The following PDE4D variants were observed in gnomAD, a reference collection of about 807,000 sequenced individuals.
PDE4D encodes the protein phosphodiesterase 4D, also known as 3',5'-cyclic-AMP phosphodiesterase 4D.
A neutral mutation model predicts 87.4 loss-of-function variants in PDE4D; 24 were observed. The observed-to-expected ratio is 0.27, with a 90% CI of 0.20 to 0.39. PDE4D has a LOEUF of 0.39. Ranked by LOEUF, PDE4D falls within the 10% of genes least tolerant of loss-of-function variation. PDE4D has a pLI of 1.00. For synonymous variants in PDE4D, 384 were observed against 383.2 expected (o/e 1.00, Z -0.02); for missense variants, 714 against 1,041.0 (o/e 0.69, Z 4.32).
At chr5:60,051,600 C>T (rs771743792) in intron 2 of PDE4D, among the ~76,000 whole-genome samples, 5 of 151,940 alleles carry the variant, frequency 3.3e-5, no homozygotes, top group Non-Finnish European at 7.4e-5. Flanking sequence ...GATCTAAAAT[C>T]GACACCCTAA....
chr5:60,495,600 C>T (rs1443890891), intron 1 of PDE4D, among the ~76,000 whole-genome samples: 1 of 152,206 alleles, frequency 6.6e-6, no homozygotes, highest in East Asian at 1.9e-4. Flanking sequence ...TATTACCAAT[C>T]AGAATCAATC....
At chr5:59,585,888 A>G (rs1373144502) in intron 1 of PDE4D, among the ~76,000 whole-genome samples, 1 of 152,228 alleles carries the variant, frequency 6.6e-6, no homozygotes, top group African/African-American at 2.4e-5. Context: ...TTATTTTAAA[A>G]TTGAGTCAAC....
chr5:60,367,446 C>T (rs1436675247), intron 1 of PDE4D, among the ~76,000 whole-genome samples: 1 of 132,234 alleles, frequency 7.6e-6, no homozygotes. Context: ...AGCGAAACTC[C>T]ATATCAAAAA....
intron 6 of PDE4D, among the ~76,000 whole-genome samples, chr5:59,019,799 T>C (rs1215265966): frequency 6.6e-6 from 1 of 152,210 alleles, no homozygotes; most frequent in East Asian, 1.9e-4. Context: ...TATTACCCTA[T>C]CATTCATTAA....
chr5:60,363,625 A>G (rs1760272909), intron 1 of PDE4D, among the ~76,000 whole-genome samples: 1 of 152,230 alleles, frequency 6.6e-6, no homozygotes, highest in Non-Finnish European at 1.5e-5. Context: ...AGGGCTATGA[A>G]GAAAATAAAA....
chr5:59,337,352 G>A (rs1370063032), intron 1 of PDE4D, among the ~76,000 whole-genome samples: 26 of 42,764 alleles, frequency 6.1e-4, no homozygotes, highest in African/African-American at 2.0e-3. Flanking sequence ...TTTTTTTTTT[G>A]ACACGGAGTC....
chr5:60,019,800 C>T (rs918914391), intron 2 of PDE4D, among the ~76,000 whole-genome samples: 3 of 152,132 alleles, frequency 2.0e-5, no homozygotes, highest in Non-Finnish European at 2.9e-5. Flanking sequence ...AGGCTATTCG[C>T]TTTCTTACCA....
In PDE4D at chr5:59,365,134, T is replaced by C. The variant is rs983004248; in HGVS notation, c.456-149166A>G. Among the ~76,000 whole-genome samples, 5 of 152,196 alleles carry C rather than the reference T, an allele frequency of 3.3e-5. No homozygotes were observed. In the East Asian group the frequency reaches 9.7e-4, roughly 29 times the overall value. On this transcript the variant is annotated intron_variant, in intron 1 of 14. Transcript: ENST00000340635. ...ATATTTATAGAAATAAAAAATAACA[T>C]GAGCTCTTATTTAAGAAAAAATGTA... is the stretch of plus-strand genomic sequence containing the variant.
chr5:59,584,688 T>C (rs1824801319), intron 1 of PDE4D, among the ~76,000 whole-genome samples: 1 of 152,188 alleles, frequency 6.6e-6, no homozygotes, highest in Admixed American at 6.5e-5. Flanking sequence ...AAAGAGTACA[T>C]GGATCCTATG....
chr5:60,239,696 A>G (rs1746860481), intron 1 of PDE4D, among the ~76,000 whole-genome samples: 1 of 152,016 alleles, frequency 6.6e-6, no homozygotes, highest in South Asian at 2.1e-4. Context: ...TGCTGTATTC[A>G]TGGTATCTGC....
intron 2 of PDE4D, among the ~76,000 whole-genome samples, chr5:59,991,348 T>C (rs1252298312): frequency 1.3e-5 from 2 of 152,132 alleles, no homozygotes; most frequent in African/African-American, 4.8e-5. Flanking sequence ...AGATCTGGAA[T>C]AGGACCTGGG....
At chr5:59,036,675 C>T (rs950825758) in intron 6 of PDE4D, among the ~76,000 whole-genome samples, 1 of 152,076 alleles carries the variant, frequency 6.6e-6, no homozygotes, top group Admixed American at 6.5e-5. Flanking sequence ...CTATAACAGT[C>T]ATGTAAGCTT....
chr5:59,081,514 C>T (rs1402071425), intron 5 of PDE4D, among the ~76,000 whole-genome samples: 1 of 27,008 alleles, frequency 3.7e-5, no homozygotes, highest in Non-Finnish European at 8.5e-5. Flanking sequence ...AGGAAGTAAT[C>T]AGGTAAAAAA....
At chr5:60,034,522 C>T (rs1767578016) in intron 2 of PDE4D, among the ~76,000 whole-genome samples, 1 of 152,166 alleles carries the variant, frequency 6.6e-6, no homozygotes, top group African/African-American at 2.4e-5. Context: ...TAAAAGGCCC[C>T]TTTATAATTA....
chr5:59,002,701 T>C (rs1259156165), intron 6 of PDE4D, among the ~76,000 whole-genome samples: 1 of 152,110 alleles, frequency 6.6e-6, no homozygotes, highest in Admixed American at 6.6e-5. Flanking sequence ...AGCTTTCAGA[T>C]AGCTACCCAC....
chr5:60,367,630 T>G (rs1016418588), intron 1 of PDE4D, among the ~76,000 whole-genome samples: 1 of 152,166 alleles, frequency 6.6e-6, no homozygotes, highest in African/African-American at 2.4e-5. Flanking sequence ...CACAGTTCAA[T>G]TTCATGTTTC....
intron 2 of PDE4D, among the ~76,000 whole-genome samples, chr5:60,147,164 T>C (rs944544414): frequency 8.5e-5 from 13 of 152,188 alleles, no homozygotes; most frequent in East Asian, 1.9e-4. Flanking sequence ...TACTTCCCCA[T>C]TGATCACAGG....
chr5:59,454,975 A>G (rs1228879465), intron 1 of PDE4D, among the ~76,000 whole-genome samples: 1 of 152,212 alleles, frequency 6.6e-6, no homozygotes, highest in African/African-American at 2.4e-5. Context: ...TCTAAGCAGC[A>G]AAGCATTCAA....
At chr5:60,319,745 C>T (rs1042021855) in intron 1 of PDE4D, among the ~76,000 whole-genome samples, 2 of 152,204 alleles carry the variant, frequency 1.3e-5, no homozygotes, top group Non-Finnish European at 2.9e-5. Context: ...TGCTGGAGGT[C>T]CACTCCAGAC....
Sources: allele counts gnomAD v4.1 joint callset (sites outside exome capture counted in the v4.1 genomes callset), GRCh38; gene constraint gnomAD v4.1.1; transcripts MANE v1.5; gene names NCBI Gene and HGNC (gene_info 2026-07-23, HGNC 2026-07-21).